Variants in AFTPH observed in about 807,000 individuals in gnomAD.
AFTPH encodes aftiphilin, also known as aftiphilin protein.
In AFTPH, 7 loss-of-function variants were observed where a neutral mutation model predicts 72.5. The ratio of observed to expected loss-of-function variants is 0.10; its 90% confidence interval spans 0.05 to 0.18. The LOEUF is 0.18. AFTPH is among the 10% of genes least tolerant of loss of function. The pLI is 1.00. For synonymous variants in AFTPH, 337 were observed against 370.1 expected (o/e 0.91, Z 1.03); for missense variants, 979 against 1,060.5 (o/e 0.92, Z 1.07).
chr2:64,550,730 C>CACAA (rs1299044267), intron 1 of AFTPH, among the ~76,000 whole-genome samples: 2 of 140,262 alleles, frequency 1.4e-5, no homozygotes, highest in Non-Finnish European at 3.1e-5. Flanking sequence ...CACACACACA[C>CACAA]AACTGGTGAA....
chr2:64,580,947 A>G (rs1673160713), intron 7 of AFTPH: 1 of 285,592 alleles, frequency 3.5e-6, no homozygotes, highest in African/African-American at 2.2e-5. Context: ...ACTAAGTGTT[A>G]CATTCTTTAC....
intron 1 of AFTPH, among the ~76,000 whole-genome samples, chr2:64,543,608 GC>G (rs1670388308): frequency 6.6e-6 from 1 of 152,158 alleles, no homozygotes. Flanking sequence ...AGTTAATCCA[GC>G]ATCATTTGTT....
chr2:64,561,373 C>T (rs1671733581), intron 2 of AFTPH, among the ~76,000 whole-genome samples: 1 of 152,128 alleles, frequency 6.6e-6, no homozygotes, highest in African/African-American at 2.4e-5. Flanking sequence ...AAGATGATGG[C>T]ATTTAAAATT....
intron 2 of AFTPH, among the ~76,000 whole-genome samples, chr2:64,566,153 C>T (rs1244209395): frequency 6.6e-6 from 1 of 152,138 alleles, no homozygotes; most frequent in African/African-American, 2.4e-5. Flanking sequence ...AATGTCTGTC[C>T]GTTCTCTCTG....
At chr2:64,526,768 A>G (rs1669294460) in intron 1 of AFTPH, among the ~76,000 whole-genome samples, 1 of 152,218 alleles carries the variant, frequency 6.6e-6, no homozygotes, top group South Asian at 2.1e-4. Context: ...TGAGCAGTAT[A>G]TATGTTGCTC....
At chr2:64,579,225 T>TAAATTTGTTTAAAAATGTA (rs1673014002) in intron 6 of AFTPH, among the ~76,000 whole-genome samples, 3 of 152,212 alleles carry the variant, frequency 2.0e-5, no homozygotes, top group Non-Finnish European at 2.9e-5. Context: ...AATCAGTTCA[T>TAAATTTGTTTAAAAATGTA]AAATTTGTTT....
chr2:64,546,816 C>T (rs1054408195), intron 1 of AFTPH, among the ~76,000 whole-genome samples: 2 of 149,898 alleles, frequency 1.3e-5, no homozygotes, highest in South Asian at 2.1e-4. Flanking sequence ...GGGCAGATCA[C>T]GAGGTCAGGA....
rs536148192 is a variant in AFTPH, at chr2:64,574,377, C to T, written c.2394+1309C>T. Among the ~76,000 whole-genome samples, 9 of 152,032 alleles carry T rather than the reference C, an allele frequency of 5.9e-5. No individual in the cohort carries two copies. In the South Asian group the frequency reaches 6.2e-4, roughly 11 times the overall value. ...AATACTTCATATCATACCCCCATAACCACCCTTAGAGATCACAACACACAT... is the reference window on the plus strand; with the variant it reads ...AATACTTCATATCATACCCCCATAATCACCCTTAGAGATCACAACACACAT... On this transcript the variant is annotated intron_variant, in intron 6 of 8. Coordinates refer to ENST00000238856, the Ensembl canonical transcript of AFTPH.
chr2:64,544,533 T>C (rs1357251165), intron 1 of AFTPH, among the ~76,000 whole-genome samples: 1 of 152,134 alleles, frequency 6.6e-6, no homozygotes, highest in Non-Finnish European at 1.5e-5. Context: ...TGAAGAAACA[T>C]TTGTTCTGTT....
At chr2:64,585,520 G>T (rs372175124) in exon 8 of AFTPH, 3 of 1,612,368 alleles carry the variant, frequency 1.9e-6, no homozygotes, top group African/African-American at 1.3e-5. Flanking sequence ...CATGTCTACA[G>T]TAGAGAAGAC....
chr2:64,565,148 T>TA (rs1285400220), intron 2 of AFTPH, among the ~76,000 whole-genome samples: 1 of 151,948 alleles, frequency 6.6e-6, no homozygotes, highest in Non-Finnish European at 1.5e-5. Flanking sequence ...TGGAAATTGA[T>TA]ACACTTTTAA....
chr2:64,587,046 G>T lies in AFTPH; in HGVS notation c.2579+1501G>T, dbSNP rs187652661. On this transcript the variant is annotated intron_variant, in intron 8 of 8. Transcript: ENST00000238856. Reference sequence around the variant, plus strand: ...CTATAGAAGTTTTGAAAATCCCAATGATGAGAATTCATTTCGTGCCATTAG... The same window carrying T: ...CTATAGAAGTTTTGAAAATCCCAATTATGAGAATTCATTTCGTGCCATTAG... 4.5e-3 allele frequency among the ~76,000 whole-genome samples: 680 copies of T among 152,258 alleles called. 8 individuals carry two copies. The highest frequency in any genetic ancestry group is 0.015 in the African/African-American group (636 of 41,538).
chr2:64,539,008 C>A (rs1670049505), intron 1 of AFTPH, among the ~76,000 whole-genome samples: 1 of 152,080 alleles, frequency 6.6e-6, no homozygotes, highest in South Asian at 2.1e-4. Context: ...AAAGTCCACA[C>A]AGTAGTTTGT....
intron 7 of AFTPH, 26 bp downstream of exon 7, chr2:64,579,572 C>T (rs762188785): frequency 6.3e-6 from 10 of 1,598,580 alleles, no homozygotes; most frequent in Non-Finnish European, 7.7e-6. Flanking sequence ...GAGCCTCTAG[C>T]ACCAGAGCTA....
intron 2 of AFTPH, among the ~76,000 whole-genome samples, chr2:64,553,679 G>T: frequency 6.9e-6 from 1 of 144,984 alleles, no homozygotes; most frequent in Non-Finnish European, 1.5e-5. Flanking sequence ...GGATTTTTTG[G>T]TGACTATAAA....
At chr2:64,527,505 G>A (rs137921211) in intron 1 of AFTPH, among the ~76,000 whole-genome samples, 49 of 151,988 alleles carry the variant, frequency 3.2e-4, no homozygotes, top group East Asian at 5.8e-4. Flanking sequence ...GCTTGAACCC[G>A]GGAGGCGGAG....
At chr2:64,563,887 T>A (rs1477180117) in intron 2 of AFTPH, among the ~76,000 whole-genome samples, 3 of 152,164 alleles carry the variant, frequency 2.0e-5, no homozygotes. Flanking sequence ...ATTACAGGCA[T>A]GAGCCACCGC....
chr2:64,533,721 C>T (rs1016701356), intron 1 of AFTPH, among the ~76,000 whole-genome samples: 1 of 151,898 alleles, frequency 6.6e-6, no homozygotes, highest in African/African-American at 2.4e-5. Flanking sequence ...GTAAATAATG[C>T]TTGCCAGTTA....
chr2:64,587,828 A>C (rs1031571285), intron 8 of AFTPH, among the ~76,000 whole-genome samples: 6 of 152,194 alleles, frequency 3.9e-5, no homozygotes, highest in African/African-American at 1.4e-4. Flanking sequence ...TTCTTGCCTA[A>C]CTTTCCTAAT....
Sources: gnomAD v4.1 joint callset for allele counts (sites outside exome capture counted in the v4.1 genomes callset) on GRCh38, gnomAD v4.1.1 for gene constraint, MANE v1.5 for transcripts, NCBI Gene and HGNC (gene_info 2026-07-23, HGNC 2026-07-21) for gene names.